The following DNAH7 variants were observed in gnomAD, a reference collection of about 807,000 sequenced individuals.
DNAH7 encodes axonemal beta dynein heavy chain 7.
Under a neutral mutation model 444.6 loss-of-function variants are expected in DNAH7, and 397 were observed. The ratio of observed to expected loss-of-function variants is 0.89; its 90% confidence interval spans 0.82 to 0.97. The LOEUF (loss-of-function observed/expected upper bound fraction) is 0.97. Ranked by LOEUF, DNAH7 falls within the 50% of genes least tolerant of loss-of-function variation. The pLI is 0.00. For missense variants in DNAH7, 4,902 were observed against 4,800.8 expected, an observed-to-expected ratio of 1.02 and a Z score of -0.62; for synonymous variants, 1,636 against 1,624.4, an observed-to-expected ratio of 1.01 and a Z score of -0.17.
intron 63 of DNAH7, among the ~76,000 whole-genome samples, chr2:195,753,693 T>G (rs1159152523): frequency 6.6e-6 from 1 of 152,340 alleles, no homozygotes; most frequent in Admixed American, 6.5e-5. Context: ...AAATAACTCT[T>G]ATTTAAAATC....
rs753127659 is a variant in DNAH7, at chr2:196,058,121, A to G, written c.16-5T>C. 2.9e-5 allele frequency: 45 copies of G among 1,567,514 alleles called. No homozygotes were observed. In the South Asian group the frequency reaches 5.3e-4, roughly 19 times the overall value. ...TTCTTTGCTGGCCGATTTATCCTGT[A>G]TGAAAAACATGAAAAAACAAAACTG... is the stretch of plus-strand genomic sequence containing the variant. On this transcript the variant is annotated splice_region_variant and splice_polypyrimidine_tract_variant and intron_variant, in intron 1 of 64. Transcript: ENST00000312428.
intron 19 of DNAH7, among the ~76,000 whole-genome samples, chr2:195,939,920 T>A (rs1689308256): frequency 6.6e-6 from 1 of 152,082 alleles, no homozygotes; most frequent in Non-Finnish European, 1.5e-5. Flanking sequence ...ATAGGAAGGA[T>A]CAATATCATG....
At chr2:195,912,867 T>C (rs73040673) in intron 24 of DNAH7, among the ~76,000 whole-genome samples, 8,907 of 152,222 alleles carry the variant, frequency 0.059, 439 homozygotes, top group African/African-American at 0.14. Context: ...ATTGAGCACA[T>C]CTATTTTCCA....
chr2:195,759,977 C>G (rs892120148), intron 61 of DNAH7, among the ~76,000 whole-genome samples: 1 of 152,192 alleles, frequency 6.6e-6, no homozygotes, highest in Admixed American at 6.5e-5. Context: ...TGCACCTGAT[C>G]TAACCAAATT....
Position 195,809,876 on chromosome 2 carries a change from G to A in DNAH7, c.9762-5C>T. The A allele has an allele frequency of 6.5e-7, 1 of 1,529,748 alleles. No individual in the cohort carries two copies. Among genetic ancestry groups the A allele is most frequent in the East Asian group, 2.4e-5 (1 of 41,846 alleles). 94.8% of individuals were successfully genotyped at this position (1,529,748 alleles called of 1,614,324 possible). On this transcript the variant is annotated splice_region_variant and splice_polypyrimidine_tract_variant and intron_variant, in intron 51 of 64. Transcript: ENST00000312428. Reference sequence around the variant, plus strand: ...TGATCCTTGAGAATCTGAAGCCTAAGGGTCAACAGAAAATAAAGGAAATAA... The same window carrying A: ...TGATCCTTGAGAATCTGAAGCCTAAAGGTCAACAGAAAATAAAGGAAATAA...
chr2:196,004,603 A>G (rs1398824204), intron 10 of DNAH7, among the ~76,000 whole-genome samples: 1 of 152,222 alleles, frequency 6.6e-6, no homozygotes, highest in Admixed American at 6.5e-5. Flanking sequence ...CAGGGAATGC[A>G]GCAAAATCAG....
intron 61 of DNAH7, among the ~76,000 whole-genome samples, chr2:195,765,773 T>C (rs778718251): frequency 1.3e-5 from 2 of 152,156 alleles, no homozygotes; most frequent in Non-Finnish European, 1.5e-5. Flanking sequence ...TTGTACACTG[T>C]TGGTGAGAAT....
chr2:195,912,939 G>C (rs969129212), intron 24 of DNAH7, among the ~76,000 whole-genome samples: 4 of 152,020 alleles, frequency 2.6e-5, no homozygotes, highest in African/African-American at 9.7e-5. Context: ...TAAATTGGAT[G>C]GGAGCTATTA....
intron 19 of DNAH7, among the ~76,000 whole-genome samples, chr2:195,946,495 C>G (rs545107271): frequency 6.6e-6 from 1 of 152,238 alleles, no homozygotes; most frequent in East Asian, 1.9e-4. Context: ...TTAATCTGTG[C>G]TCATTACATA....
At chr2:195,892,134 A>G (rs1285211943) in intron 30 of DNAH7, among the ~76,000 whole-genome samples, 1 of 152,226 alleles carries the variant, frequency 6.6e-6, no homozygotes, top group Non-Finnish European at 1.5e-5. Context: ...TCTGTAAAAG[A>G]TAAGATGGTA....
chr2:195,960,545 T>G lies in DNAH7; in HGVS notation c.2606A>C (p.Asp869Ala). 12 of 1,614,230 alleles carry G rather than the reference T, an allele frequency of 7.4e-6. No homozygotes were observed. Among genetic ancestry groups the G allele is most frequent in the Non-Finnish European group, 1.0e-5 (12 of 1,180,030 alleles). Residue 869 changes from aspartate (D) to alanine (A), a missense_variant, in exon 18 of 65, where the codon GAT (aspartate) becomes GCT (alanine). Coordinates refer to ENST00000312428, the MANE Select transcript of DNAH7 (RefSeq NM_018897.3). Reference protein sequence around the residue: ...AIVGYPLQPSDDSTVSSFLDM... With the variant: ...AIVGYPLQPSADSTVSSFLDM... ...TAAAAAAGAGGAGACTGTGGAGTCATCTGATGGCTGCAAAGGGTAACCAAC... is the reference window on the plus strand; with the variant it reads ...TAAAAAAGAGGAGACTGTGGAGTCAGCTGATGGCTGCAAAGGGTAACCAAC...
At chr2:195,809,925 T>C in intron 51 of DNAH7, 54 bp from the exon 52 acceptor site, 1 of 1,356,396 alleles carries the variant, frequency 7.4e-7, no homozygotes. Context: ...TTAAAGATAA[T>C]GCTCTTAAGA....
intron 10 of DNAH7, among the ~76,000 whole-genome samples, chr2:196,011,768 T>G (rs982682062): frequency 6.6e-6 from 1 of 152,092 alleles, no homozygotes; most frequent in Admixed American, 6.6e-5. Context: ...AGCAAAAAAA[T>G]AATTCAATAA....
At chr2:195,897,979 AAACT>A (rs1574704388) in intron 28 of DNAH7, among the ~76,000 whole-genome samples, 2 of 152,190 alleles carry the variant, frequency 1.3e-5, no homozygotes. Context: ...AATACAGGTT[AAACT>A]AACTACCTTT....
chr2:195,942,311 C>T (rs942865239), intron 19 of DNAH7, among the ~76,000 whole-genome samples: 4 of 151,640 alleles, frequency 2.6e-5, no homozygotes, highest in South Asian at 2.1e-4. Flanking sequence ...CCAGTGCAAA[C>T]GCCCTCGGAT....
intron 57 of DNAH7, among the ~76,000 whole-genome samples, chr2:195,787,529 T>C (rs1366465313): frequency 6.6e-6 from 1 of 151,816 alleles, no homozygotes; most frequent in Non-Finnish European, 1.5e-5. Context: ...CATGGAGAAA[T>C]GTTAAAGGAG....
intron 25 of DNAH7, 51 bp from the exon 26 acceptor site, chr2:195,907,060 CA>C: frequency 2.2e-6 from 3 of 1,374,172 alleles, no homozygotes; most frequent in Non-Finnish European, 3.1e-6. Context: ...TTCAATGTTG[CA>C]ATGAAATGTT....
rs117670191 is a variant in DNAH7, at chr2:195,802,010, T to A, written c.10177-2538A>T. 2.1e-4 allele frequency among the ~76,000 whole-genome samples: 32 copies of A among 152,322 alleles called. 1 individual carries two copies. In the East Asian group the frequency reaches 4.4e-3, roughly 21 times the overall value. On this transcript the variant is annotated intron_variant, in intron 54 of 64. Coordinates refer to ENST00000312428, the MANE Select transcript of DNAH7 (RefSeq NM_018897.3). ...CTATGAGGATGACATATATACTGTT[T>A]GCACAAAATAAACATCCACTGAATG...
intron 36 of DNAH7, among the ~76,000 whole-genome samples, chr2:195,877,797 C>T (rs890768450): frequency 2.6e-5 from 4 of 152,178 alleles, no homozygotes; most frequent in African/African-American, 9.7e-5. Context: ...GCAGGAGCTA[C>T]CTTTTTAAAT....
Sources: allele counts gnomAD v4.1 joint callset (sites outside exome capture counted in the v4.1 genomes callset), GRCh38; gene constraint gnomAD v4.1.1; transcripts MANE v1.5; gene names NCBI Gene and HGNC (gene_info 2026-07-23, HGNC 2026-07-21).